FOXN3: variants seen among roughly 807,000 people sequenced by gnomAD.
FOXN3 encodes the protein forkhead box N3, also known as forkhead box protein N3.
In FOXN3, 7 loss-of-function variants were observed where a neutral mutation model predicts 38.4. The ratio of observed to expected loss-of-function variants is 0.18; its 90% CI spans 0.10 to 0.34. FOXN3 has a LOEUF of 0.34. Among genes scored for constraint, FOXN3 ranks in the 10% least tolerant of loss-of-function variants. The pLI is 1.00. For synonymous variants in FOXN3, 230 were observed against 242.2 expected (o/e 0.95, Z 0.47); for missense variants, 456 against 613.4 (o/e 0.74, Z 2.71).
intron 4 of FOXN3, among the ~76,000 whole-genome samples, chr14:89,210,302 C>T (rs1244791564): frequency 6.6e-6 from 1 of 152,050 alleles, no homozygotes; most frequent in Non-Finnish European, 1.5e-5. Flanking sequence ...CCCCGCCCCT[C>T]TCACCCTCCT....
chr14:89,548,701 A>G lies in FOXN3; in HGVS notation c.-15+70327T>C, dbSNP rs1416041119. Reference sequence around the variant, plus strand: ...TTTATATATATGTATGTATGTATGTATATATGCCTATATATTACAAGATCT... The same window carrying G: ...TTTATATATATGTATGTATGTATGTGTATATGCCTATATATTACAAGATCT... On this transcript the variant is annotated intron_variant, in intron 1 of 6. Coordinates refer to the FOXN3 transcript ENST00000345097. The surrounding 1 kb of genome is among the most constrained non-coding windows in gnomAD (Gnocchi z 4.8). Among the ~76,000 whole-genome samples the G allele has an allele frequency of 6.6e-6, 1 of 152,216 alleles. No individual in the cohort carries two copies. Among genetic ancestry groups the G allele is most frequent in the African/African-American group, 2.4e-5 (1 of 41,452 alleles).
intron 2 of FOXN3, among the ~76,000 whole-genome samples, chr14:89,395,822 G>A (rs568490027): frequency 7.2e-5 from 11 of 152,158 alleles, no homozygotes; most frequent in South Asian, 2.1e-4. Context: ...CTGGAGGGGG[G>A]GGAGTTTCAA....
intron 3 of FOXN3, among the ~76,000 whole-genome samples, chr14:89,334,835 T>TTGCACTC (rs1195593396): frequency 5.9e-5 from 9 of 152,146 alleles, no homozygotes; most frequent in Non-Finnish European, 1.3e-4. Context: ...TGGTGCGATC[T>TTGCACTC]CAGCTCACTG....
intron 1 of FOXN3, among the ~76,000 whole-genome samples, chr14:89,530,558 G>A (rs1287339): frequency 0.74 from 112,701 of 152,020 alleles, 42,231 homozygotes; most frequent in Admixed American, 0.81. Flanking sequence ...CAGCCAAACC[G>A]TATCAGCGAC....
chr14:89,356,586 G>A (rs1183694816), intron 2 of FOXN3: 2 of 152,144 alleles, frequency 1.3e-5, no homozygotes, highest in African/African-American at 4.8e-5. Context: ...GTGGGGAGCT[G>A]GGTGTGTGTT....
chr14:89,478,289 T>TA (rs1893252811), intron 1 of FOXN3, among the ~76,000 whole-genome samples: 1 of 152,212 alleles, frequency 6.6e-6, no homozygotes, highest in South Asian at 2.1e-4. Flanking sequence ...ATGCTTCCTG[T>TA]ACAGCCTGCA....
chr14:89,527,625 T>C (rs1894458734), intron 1 of FOXN3, among the ~76,000 whole-genome samples: 1 of 151,868 alleles, frequency 6.6e-6, no homozygotes, highest in Non-Finnish European at 1.5e-5. Flanking sequence ...GAAAAGTTGC[T>C]CAACCACAAT....
rs59949946 is a variant in FOXN3 at position 89,312,284 on chromosome 14, C to CAAAAAAAAAAAAAAAAAAAAAAAAA, written c.681-31271_681-31270insTTTTTTTTTTTTTTTTTTTTTTTTT. Among the ~76,000 whole-genome samples the CAAAAAAAAAAAAAAAAAAAAAAAAA allele has an allele frequency of 1.9e-3, 116 of 60,542 alleles. 8 individuals are homozygous for CAAAAAAAAAAAAAAAAAAAAAAAAA. Among genetic ancestry groups the CAAAAAAAAAAAAAAAAAAAAAAAAA allele is most frequent in the African/African-American group, 4.5e-3 (54 of 12,052 alleles). The allele number at this position is 60,542 out of a possible 152,430, so 39.7% of individuals were successfully genotyped here. A position where few individuals can be genotyped will look rare whatever the true frequency, so the allele number is the denominator to read the frequency against. ...TGGGTGACAGAGCAAGACTCGGTCT[C>CAAAAAAAAAAAAAAAAAAAAAAAAA]AAAAAAAAAAAAAAAAAGAAGCCAA... On this transcript the variant is annotated intron_variant, in intron 3 of 5. Coordinates refer to ENST00000557258, the MANE Select transcript of FOXN3 (RefSeq NM_005197.4).
intron 4 of FOXN3, among the ~76,000 whole-genome samples, chr14:89,203,112 G>A (rs76579184): frequency 0.018 from 2,758 of 149,198 alleles, 107 homozygotes; most frequent in African/African-American, 0.065. Context: ...GGGGGAGTGA[G>A]GAGAACATAT....
rs1476207700 is a variant in FOXN3, at chr14:89,505,928, C to T, written c.-14-93438G>A. On this transcript the variant is annotated intron_variant, in intron 1 of 6. Transcript: ENST00000345097. ...GAGGAGCGTCTCTGCCCGGCCGCCC[C>T]GTCTGAGAAGTGAGGAGACCCTCTG... Among the ~76,000 whole-genome samples, 128 of 149,488 alleles carry T rather than the reference C, an allele frequency of 8.6e-4. 1 individual carries two copies. The East Asian group carries it at 0.016, about 19-fold the overall frequency.
intron 4 of FOXN3, among the ~76,000 whole-genome samples, chr14:89,272,706 A>G (rs1329249858): frequency 6.6e-6 from 1 of 152,124 alleles, no homozygotes; most frequent in Admixed American, 6.5e-5. Flanking sequence ...TACAAAAATT[A>G]GCCGCGCATG....
At chr14:89,546,304 T>C (rs1163563858) in intron 1 of FOXN3, among the ~76,000 whole-genome samples, 1 of 150,022 alleles carries the variant, frequency 6.7e-6, no homozygotes, top group Admixed American at 6.8e-5. Flanking sequence ...TTTTTCCCAA[T>C]AGCTTCTTTT....
At chr14:89,313,797 C>T (rs1464821730) in intron 3 of FOXN3, among the ~76,000 whole-genome samples, 1 of 152,160 alleles carries the variant, frequency 6.6e-6, no homozygotes, top group Non-Finnish European at 1.5e-5. Context: ...GAGTATTACT[C>T]AGCCTTGAAA....
chr14:89,278,582 A>G (rs1886368424), intron 4 of FOXN3, among the ~76,000 whole-genome samples: 1 of 152,072 alleles, frequency 6.6e-6, no homozygotes, highest in Non-Finnish European at 1.5e-5. Context: ...ACAGCACCCT[A>G]AAGAAAGATT....
intron 2 of FOXN3, among the ~76,000 whole-genome samples, chr14:89,411,464 A>G (rs79706998): frequency 0.062 from 9,468 of 152,218 alleles, 401 homozygotes; most frequent in Middle Eastern, 0.11. Context: ...ATCACTGTCC[A>G]CTTATGCCAG....
intron 1 of FOXN3, among the ~76,000 whole-genome samples, chr14:89,583,511 T>C (rs113138099): frequency 0.024 from 3,730 of 152,316 alleles, 56 homozygotes; most frequent in African/African-American, 0.034. Flanking sequence ...CTTAAGACTT[T>C]CCAGCCGCCA....
At chr14:89,546,329 C>CTTTCTTTTTTTTTTTTTTT (rs1555359724) in intron 1 of FOXN3, among the ~76,000 whole-genome samples, 7 of 78,332 alleles carry the variant, frequency 8.9e-5, no homozygotes, top group African/African-American at 3.8e-4. Flanking sequence ...TTTCCTTTTT[C>CTTTCTTTTTTTTTTTTTTT]TTTTTTTTTT....
At chr14:89,538,083 A>T (rs1333000882) in intron 1 of FOXN3, among the ~76,000 whole-genome samples, 2 of 152,256 alleles carry the variant, frequency 1.3e-5, no homozygotes, top group Non-Finnish European at 2.9e-5. Context: ...CCCTAGTGAT[A>T]TAAATGAGTT....
chr14:89,512,218 G>A (rs969083037), intron 1 of FOXN3, among the ~76,000 whole-genome samples: 28 of 152,190 alleles, frequency 1.8e-4, no homozygotes, highest in Non-Finnish European at 4.0e-4. Flanking sequence ...AACTGAAGGG[G>A]AAGAGACTTT....
Sources: gnomAD v4.1 joint callset for allele counts (sites outside exome capture counted in the v4.1 genomes callset) on GRCh38, gnomAD v4.1.1 for gene constraint, Gnocchi (gnomAD v3.1) non-coding constraint, MANE v1.5 for transcripts, NCBI Gene and HGNC (gene_info 2026-07-23, HGNC 2026-07-21) for gene names.